Variants in ADCY2 observed in about 807,000 individuals in gnomAD.
ADCY2 encodes the protein adenylate cyclase 2, also known as adenylate cyclase type 2.
A neutral mutation model predicts 125.2 loss-of-function variants in ADCY2; 31 were observed. The observed-to-expected ratio is 0.25, with a 90% CI of 0.19 to 0.33. The LOEUF (loss-of-function observed/expected upper bound fraction) is 0.33, where lower values mean the gene tolerates loss of function less well. Among genes scored for constraint, ADCY2 ranks in the 10% least tolerant of loss-of-function variants. The pLI, the probability that ADCY2 is intolerant of heterozygous loss-of-function variation, is 1.00. For missense variants in ADCY2, 904 were observed against 1,418.2 expected, an observed-to-expected ratio of 0.64 and a Z score of 5.82; for synonymous variants, 512 against 548.4, an observed-to-expected ratio of 0.93 and a Z score of 0.93.
intron 23 of ADCY2, among the ~76,000 whole-genome samples, chr5:7,818,027 A>C (rs1745173779): frequency 6.6e-6 from 1 of 152,214 alleles, no homozygotes; most frequent in East Asian, 1.9e-4. Context: ...GTGTGCAGTT[A>C]CTTGCAACCA....
chr5:7,691,322 C>G (rs1411613138), intron 5 of ADCY2: 1 of 152,322 alleles, frequency 6.6e-6, no homozygotes, highest in African/African-American at 2.4e-5. Context: ...GTCTGGAAGA[C>G]CAGTGACCAA....
intron 15 of ADCY2, among the ~76,000 whole-genome samples, chr5:7,756,712 T>G (rs959389123): frequency 5.3e-5 from 8 of 152,162 alleles, no homozygotes; most frequent in Non-Finnish European, 1.0e-4. Flanking sequence ...TCCATGGGTA[T>G]AGAGTTTCAA....
At chr5:7,712,722 CAT>C (rs1741477725) in intron 10 of ADCY2, 132 bp from the exon 11 acceptor site, 5 of 665,442 alleles carry the variant, frequency 7.5e-6, no homozygotes, top group South Asian at 7.1e-5. Flanking sequence ...TTTTTCTCCA[CAT>C]GAGTAATTAA....
In ADCY2 at chr5:7,827,669, T is replaced by C. The variant is rs1486595684; in HGVS notation, c.*798T>C. On this transcript the variant is annotated 3_prime_UTR_variant, in exon 25 of 25. Transcript: ENST00000338316. ...AGCTCTCCAGAAGCCAATATTGAGA[T>C]GTAATTCAGATTAGGACACAGTGTG... is the stretch of plus-strand genomic sequence containing the variant. The C allele has an allele frequency of 1.3e-5, 2 of 152,366 alleles. No homozygotes were observed. Among genetic ancestry groups the C allele is most frequent in the African/African-American group, 4.8e-5 (2 of 41,450 alleles). 9.4% of individuals were successfully genotyped at this position (152,366 alleles called of 1,614,324 possible). A position where few individuals can be genotyped will look rare whatever the true frequency, so the allele number is the denominator to read the frequency against.
chr5:7,592,352 G>C (rs1252465433), intron 3 of ADCY2, among the ~76,000 whole-genome samples: 1 of 152,026 alleles, frequency 6.6e-6, no homozygotes, highest in Non-Finnish European at 1.5e-5. Context: ...AAAAAACTTT[G>C]TTATTAATAA....
intron 23 of ADCY2, among the ~76,000 whole-genome samples, chr5:7,817,736 T>C (rs1240189150): frequency 6.8e-6 from 1 of 147,692 alleles, no homozygotes; most frequent in Non-Finnish European, 1.5e-5. Context: ...GGCGGAAGGA[T>C]TGATTGAACC....
At chr5:7,524,054 AG>A in intron 3 of ADCY2, among the ~76,000 whole-genome samples, 1 of 151,978 alleles carries the variant, frequency 6.6e-6, no homozygotes, top group African/African-American at 2.4e-5. Context: ...TGCATAAGAG[AG>A]TTCATTGTTC....
At chr5:7,620,907 A>C (rs1338641390) in intron 3 of ADCY2, among the ~76,000 whole-genome samples, 1 of 152,018 alleles carries the variant, frequency 6.6e-6, no homozygotes, top group Non-Finnish European at 1.5e-5. Context: ...AAAAAAAAAA[A>C]AACTGTCATT....
chr5:7,549,384 T>G (rs1735253288), intron 3 of ADCY2, among the ~76,000 whole-genome samples: 1 of 152,142 alleles, frequency 6.6e-6, no homozygotes. Flanking sequence ...AAGCTTCTGC[T>G]CAGAAGGGGC....
At chr5:7,596,082 A>G (rs1056803103) in intron 3 of ADCY2, among the ~76,000 whole-genome samples, 1 of 152,126 alleles carries the variant, frequency 6.6e-6, no homozygotes, top group Admixed American at 6.5e-5. Context: ...TATTAAATAT[A>G]TACTGAGGAA....
At chr5:7,446,329 G>C (rs1341233701) in intron 2 of ADCY2, among the ~76,000 whole-genome samples, 1 of 152,016 alleles carries the variant, frequency 6.6e-6, no homozygotes, top group East Asian at 1.9e-4. Flanking sequence ...ACCTGTATTT[G>C]TTTTATTTTA....
At chr5:7,429,417 C>G (rs1740508148) in intron 2 of ADCY2, among the ~76,000 whole-genome samples, 1 of 152,236 alleles carries the variant, frequency 6.6e-6, no homozygotes, top group Middle Eastern at 3.4e-3. Context: ...ACAAGTTGAC[C>G]TAATTCATCT....
chr5:7,712,300 GTCTCTCTTCCAT>G (rs1218801823), intron 10 of ADCY2, among the ~76,000 whole-genome samples: 78 of 152,222 alleles, frequency 5.1e-4, no homozygotes, highest in African/African-American at 1.8e-3. Flanking sequence ...TATAAATTCT[GTCTCTCTTCCAT>G]TTCTCTTGGG....
At chr5:7,771,140 A>G (rs1743544662) in intron 17 of ADCY2, among the ~76,000 whole-genome samples, 1 of 152,150 alleles carries the variant, frequency 6.6e-6, no homozygotes, top group Admixed American at 6.5e-5. Context: ...TAACTTCTCT[A>G]AGGTGACAAG....
intron 3 of ADCY2, among the ~76,000 whole-genome samples, chr5:7,553,151 G>A (rs1735390703): frequency 6.6e-6 from 1 of 152,336 alleles, no homozygotes; most frequent in African/African-American, 2.4e-5. Flanking sequence ...AACCATTTAA[G>A]TTAGCATTTC....
intron 11 of ADCY2, 36 bp downstream of exon 11, chr5:7,712,935 T>C (rs769085722): frequency 6.9e-7 from 1 of 1,440,114 alleles, no homozygotes; most frequent in Admixed American, 1.8e-5. Flanking sequence ...TTAAAGCTTA[T>C]TGCTCTTTAT....
At chr5:7,625,312 G>A (rs1306773471) in intron 3 of ADCY2, among the ~76,000 whole-genome samples, 22 of 152,160 alleles carry the variant, frequency 1.4e-4, no homozygotes, top group Admixed American at 1.4e-3. Flanking sequence ...AAATGTTAAA[G>A]CAAAGCACAA....
intron 15 of ADCY2, among the ~76,000 whole-genome samples, chr5:7,748,640 A>T (rs1000213243): frequency 6.6e-6 from 1 of 152,088 alleles, no homozygotes; most frequent in Non-Finnish European, 1.5e-5. Context: ...GAATGCAATG[A>T]CTATGAGGTC....
intron 1 of ADCY2, among the ~76,000 whole-genome samples, chr5:7,398,607 C>G (rs992576897): frequency 2.0e-4 from 30 of 152,350 alleles, no homozygotes; most frequent in Non-Finnish European, 4.4e-4. Context: ...GAAATGAATC[C>G]TGTCCTTGGC....
Sources: gnomAD v4.1 joint callset for allele counts (sites outside exome capture counted in the v4.1 genomes callset) on GRCh38, gnomAD v4.1.1 for gene constraint, MANE v1.5 for transcripts, NCBI Gene and HGNC (gene_info 2026-07-23, HGNC 2026-07-21) for gene names.